PITPNA: variants seen among roughly 807,000 people sequenced by gnomAD.
PITPNA encodes phosphatidylinositol transfer protein alpha.
PITPNA carries 13 observed loss-of-function variants against 50.3 expected under a neutral mutation model. The observed-to-expected ratio is 0.26, with a 90% CI of 0.17 to 0.41. The LOEUF (loss-of-function observed/expected upper bound fraction) is 0.41. Ranked by LOEUF, PITPNA falls within the 10% of genes least tolerant of loss-of-function variation. PITPNA has a pLI of 1.00. For synonymous variants in PITPNA, 120 were observed against 119.6 expected, an observed-to-expected ratio of 1.00 and a Z score of -0.02; for missense variants, 207 against 333.4, an observed-to-expected ratio of 0.62 and a Z score of 2.95.
intron 4 of PITPNA, among the ~76,000 whole-genome samples, chr17:1,544,845 G>A (rs1278420350): frequency 2.0e-5 from 3 of 152,138 alleles, no homozygotes; most frequent in Non-Finnish European, 2.9e-5. Flanking sequence ...CACACATGGA[G>A]GCTGACAGGA....
At chr17:1,540,392 C>T (rs1020629996) in intron 6 of PITPNA, among the ~76,000 whole-genome samples, 1 of 152,176 alleles carries the variant, frequency 6.6e-6, no homozygotes, top group Non-Finnish European at 1.5e-5. Context: ...AGAGATCCTA[C>T]ATACAAACAT....
chr17:1,541,782 C>A (rs978037606), intron 5 of PITPNA, 142 bp from the exon 6 acceptor site: 1 of 717,142 alleles, frequency 1.4e-6, no homozygotes, highest in Non-Finnish European at 2.6e-6. Flanking sequence ...GTTAACTTGA[C>A]TGGGAGCCCA....
chr17:1,550,818 T>C (rs1485555592), intron 3 of PITPNA, among the ~76,000 whole-genome samples: 1 of 152,180 alleles, frequency 6.6e-6, no homozygotes, highest in Non-Finnish European at 1.5e-5. Context: ...GTCAGCAGTT[T>C]TGGCGCTGGG....
At chr17:1,549,057 G>A (rs553656420) in intron 3 of PITPNA, among the ~76,000 whole-genome samples, 11 of 152,156 alleles carry the variant, frequency 7.2e-5, no homozygotes, top group South Asian at 2.1e-4. Flanking sequence ...ACAGGCATGC[G>A]CCACCACGCC....
At chr17:1,539,351 G>T (rs568540726) in intron 6 of PITPNA, among the ~76,000 whole-genome samples, 3 of 152,074 alleles carry the variant, frequency 2.0e-5, no homozygotes, top group Admixed American at 6.5e-5. Context: ...TGAGGAGCTG[G>T]GCCCGAGTGA....
chr17:1,523,652 C>T (rs1386142562), intron 10 of PITPNA, among the ~76,000 whole-genome samples: 2 of 151,280 alleles, frequency 1.3e-5, no homozygotes, highest in African/African-American at 4.9e-5. Flanking sequence ...GGACTATAGG[C>T]ACACGCCACC....
intron 10 of PITPNA, among the ~76,000 whole-genome samples, chr17:1,533,424 C>T (rs1339772450): frequency 6.6e-6 from 1 of 152,092 alleles, no homozygotes; most frequent in Non-Finnish European, 1.5e-5. Context: ...CATGGGGTAT[C>T]GTGAAGACTG....
chr17:1,553,532 G>T (rs139053300), intron 2 of PITPNA, among the ~76,000 whole-genome samples: 3 of 152,026 alleles, frequency 2.0e-5, no homozygotes, highest in Non-Finnish European at 2.9e-5. Context: ...ATGAGCCACC[G>T]TTCCCAGTCA....
At chr17:1,541,900 C>A in intron 5 of PITPNA, 2 of 566,530 alleles carry the variant, frequency 3.5e-6, no homozygotes, top group Non-Finnish European at 6.9e-6. Context: ...GGTGACTTAA[C>A]CAAAGTCACA....
chr17:1,548,475 G>T, intron 3 of PITPNA, 88 bp from the exon 4 acceptor site: 1 of 908,424 alleles, frequency 1.1e-6, no homozygotes, highest in Non-Finnish European at 1.7e-6. Flanking sequence ...TTCATGGGGA[G>T]CTGACAAGCA....
chr17:1,522,553 A>G (rs560963537), intron 10 of PITPNA, among the ~76,000 whole-genome samples: 1 of 152,076 alleles, frequency 6.6e-6, no homozygotes, highest in South Asian at 2.1e-4. Context: ...TTGTATTTTT[A>G]GGGGAGACGG....
intron 2 of PITPNA, among the ~76,000 whole-genome samples, chr17:1,555,454 T>A (rs2075730475): frequency 1.3e-5 from 2 of 152,106 alleles, no homozygotes; most frequent in Non-Finnish European, 2.9e-5. Flanking sequence ...CAGACTCGGA[T>A]GGGGCAGAGA....
chr17:1,549,201 C>T (rs769463645), intron 3 of PITPNA, among the ~76,000 whole-genome samples: 6 of 151,788 alleles, frequency 4.0e-5, no homozygotes, highest in Non-Finnish European at 5.9e-5. Context: ...CCACCGCGCC[C>T]GGTCTCTTCT....
chr17:1,531,295 G>A (rs1322347263), intron 10 of PITPNA, among the ~76,000 whole-genome samples: 2 of 151,978 alleles, frequency 1.3e-5, no homozygotes, highest in Admixed American at 1.3e-4. Flanking sequence ...AAGCCTCCGT[G>A]AAAAAAAGAC....
At chr17:1,557,129 G>A (rs921762990) in intron 2 of PITPNA, among the ~76,000 whole-genome samples, 14 of 152,128 alleles carry the variant, frequency 9.2e-5, no homozygotes, top group East Asian at 1.9e-4. Flanking sequence ...AGGTTCCCCA[G>A]TCTCGTTTCT....
intron 2 of PITPNA, among the ~76,000 whole-genome samples, chr17:1,556,700 G>A (rs1160843696): frequency 1.3e-5 from 2 of 152,212 alleles, no homozygotes; most frequent in Non-Finnish European, 2.9e-5. Context: ...GTACAGCAGA[G>A]AGGACGTCAC....
chr17:1,531,254 A>G (rs930887685), intron 10 of PITPNA, among the ~76,000 whole-genome samples: 5 of 152,234 alleles, frequency 3.3e-5, no homozygotes, highest in Middle Eastern at 3.4e-3. Flanking sequence ...CCACAGCAAG[A>G]GACAGGGGAG....
Position 1,553,211 on chromosome 17 carries a change from C to T in PITPNA, c.52-62G>A, listed in dbSNP as rs541870406. 1.4e-5 allele frequency: 22 copies of T among 1,577,928 alleles called. No individual in the cohort carries two copies. The South Asian group carries it at 2.3e-4, about 17-fold the overall frequency. On this transcript the variant is annotated intron_variant, in intron 2 of 11. Coordinates refer to ENST00000313486, the MANE Select transcript of PITPNA (RefSeq NM_006224.4). ...CCCTTCTCAACGGTTACACGTAATC[C>T]AGCTGCCAGTAAGTGTCTAACTGGA...
Position 1,519,568 on chromosome 17 carries a change from A to G in PITPNA, c.*993T>C, listed in dbSNP as rs751806656. 3 of 152,658 alleles carry G rather than the reference A, an allele frequency of 2.0e-5. No individual in the cohort carries two copies. Among genetic ancestry groups the G allele is most frequent in the Non-Finnish European group, 4.4e-5 (3 of 68,054 alleles). The allele number at this position is 152,658 out of a possible 1,614,324, so 9.5% of individuals were successfully genotyped here. A position where few individuals can be genotyped will look rare whatever the true frequency, so the allele number is the denominator to read the frequency against. ...GCTGGAAAAAGCTTTTTGCATGCTC[A>G]TATTGTGCAGCATGAAAGATCAGGA... On this transcript the variant is annotated 3_prime_UTR_variant, in exon 12 of 12. Coordinates refer to ENST00000313486, the MANE Select transcript of PITPNA (RefSeq NM_006224.4).
Sources: gnomAD v4.1 joint callset for allele counts (sites outside exome capture counted in the v4.1 genomes callset) on GRCh38, gnomAD v4.1.1 for gene constraint, MANE v1.5 for transcripts, NCBI Gene and HGNC (gene_info 2026-07-23, HGNC 2026-07-21) for gene names.